Variants in DENND1A observed in about 807,000 individuals in gnomAD.
The protein encoded by DENND1A is DENN domain-containing protein 1A.
A neutral mutation model predicts 113.7 loss-of-function variants in DENND1A; 51 were observed. The ratio of observed to expected loss-of-function variants is 0.45; its 90% confidence interval spans 0.36 to 0.57. DENND1A has a LOEUF of 0.57. Ranked by LOEUF, DENND1A falls within the 20% of genes least tolerant of loss-of-function variation. DENND1A has a pLI of 0.00. For synonymous variants in DENND1A, 565 were observed against 570.8 expected, an observed-to-expected ratio of 0.99 and a Z score of 0.14; for missense variants, 1,258 against 1,395.9, an observed-to-expected ratio of 0.90 and a Z score of 1.57.
At chr9:123,791,691 C>T (rs1038415066) in intron 3 of DENND1A, among the ~76,000 whole-genome samples, 9 of 152,106 alleles carry the variant, frequency 5.9e-5, no homozygotes, top group African/African-American at 2.2e-4. Context: ...TGTACTTATC[C>T]TCATTCAAAG....
At chr9:123,703,051 G>A (rs1310191588) in intron 5 of DENND1A, among the ~76,000 whole-genome samples, 4 of 152,068 alleles carry the variant, frequency 2.6e-5, no homozygotes, top group Non-Finnish European at 4.4e-5. Flanking sequence ...GCGCGATCTC[G>A]GCTCACTGCA....
At chr9:123,523,752 G>A (rs528000601) in intron 13 of DENND1A, among the ~76,000 whole-genome samples, 1 of 152,308 alleles carries the variant, frequency 6.6e-6, no homozygotes, top group South Asian at 2.1e-4. Context: ...ATGATTCCAA[G>A]GTCAGGCTTT....
At chr9:123,920,092 T>C (rs1435158885) in intron 1 of DENND1A, among the ~76,000 whole-genome samples, 16 of 152,030 alleles carry the variant, frequency 1.1e-4, no homozygotes, top group Admixed American at 1.0e-3. Context: ...TTTTCCAAAA[T>C]AAAGTTTAAA....
At chr9:123,823,491 G>A (rs2132646714) in intron 2 of DENND1A, among the ~76,000 whole-genome samples, 1 of 152,286 alleles carries the variant, frequency 6.6e-6, no homozygotes, top group Admixed American at 6.5e-5. Context: ...GGAAGCTTGT[G>A]CCAAGTCACA....
chr9:123,836,415 T>C (rs1283009180), intron 2 of DENND1A, among the ~76,000 whole-genome samples: 1 of 152,128 alleles, frequency 6.6e-6, no homozygotes, highest in African/African-American at 2.4e-5. Context: ...TCACCAGACT[T>C]GGCTTAATAT....
intron 23 of DENND1A, among the ~76,000 whole-genome samples, chr9:123,383,030 G>A (rs1274819508): frequency 2.0e-5 from 3 of 152,242 alleles, no homozygotes; most frequent in Non-Finnish European, 4.4e-5. Context: ...AGGCCAAGTT[G>A]GAGTCCTGGC....
chr9:123,746,874 C>A, intron 5 of DENND1A, among the ~76,000 whole-genome samples: 1 of 151,910 alleles, frequency 6.6e-6, no homozygotes, highest in African/African-American at 2.4e-5. Flanking sequence ...TTTTCATATA[C>A]TAATAAAAAA....
intron 12 of DENND1A, among the ~76,000 whole-genome samples, chr9:123,561,103 C>A (rs987015626): frequency 6.6e-6 from 1 of 152,236 alleles, no homozygotes; most frequent in Non-Finnish European, 1.5e-5. Flanking sequence ...ATGGTGCAAG[C>A]CACTGTCGCT....
intron 13 of DENND1A, among the ~76,000 whole-genome samples, chr9:123,475,755 G>A (rs1236978362): frequency 1.3e-5 from 2 of 152,236 alleles, no homozygotes; most frequent in Non-Finnish European, 2.9e-5. Flanking sequence ...ACTAATGATT[G>A]TTTTAAGTAA....
chr9:123,464,288 T>C (rs912098545), intron 13 of DENND1A, among the ~76,000 whole-genome samples: 1 of 152,212 alleles, frequency 6.6e-6, no homozygotes, highest in Admixed American at 6.5e-5. Context: ...CAGAACATTA[T>C]GTTCATAGCA....
chr9:123,423,324 C>T (rs1025763496), intron 19 of DENND1A, among the ~76,000 whole-genome samples: 33 of 152,230 alleles, frequency 2.2e-4, no homozygotes, highest in Admixed American at 1.4e-3. Context: ...GGAAATCTCT[C>T]CCTCCCCCAG....
rs185284967 is a variant in DENND1A at position 123,758,469 on chromosome 9, G to A, written c.183-647C>T. 2.1e-3 allele frequency among the ~76,000 whole-genome samples: 325 copies of A among 152,268 alleles called. 1 individual carries two copies. The highest frequency in any genetic ancestry group is 0.02 in the Middle Eastern group (6 of 294). On this transcript the variant is annotated intron_variant, in intron 4 of 23. Transcript: ENST00000394215. ...AATACATCCTTAGTAACTGAATCACGTTCACACAGCTACAAAGAGGAGGAG... is the reference window on the plus strand; with the variant it reads ...AATACATCCTTAGTAACTGAATCACATTCACACAGCTACAAAGAGGAGGAG...
chr9:123,472,648 C>T lies in DENND1A; in HGVS notation c.994-14751G>A, dbSNP rs192591821. ...CATTCACTCAGGGCCCCTTGTCCCC[C>T]TCAGGCAGCCACTGAGTTGCTCCCA... On this transcript the variant is annotated intron_variant, in intron 13 of 23. Coordinates refer to ENST00000394215, the MANE Select transcript of DENND1A (RefSeq NM_001352964.2). Among the ~76,000 whole-genome samples the T allele has an allele frequency of 3.3e-3, 500 of 152,316 alleles. 1 individual carries two copies. The highest frequency in any genetic ancestry group is 0.011 in the African/African-American group (468 of 41,566).
intron 13 of DENND1A, among the ~76,000 whole-genome samples, chr9:123,503,836 G>A (rs1303755929): frequency 6.6e-6 from 1 of 152,194 alleles, no homozygotes; most frequent in Non-Finnish European, 1.5e-5. Flanking sequence ...TGGTCAATGA[G>A]TCTGAGACAC....
At chr9:123,482,793 G>A (rs1049431479) in intron 13 of DENND1A, among the ~76,000 whole-genome samples, 2 of 152,236 alleles carry the variant, frequency 1.3e-5, no homozygotes, top group Non-Finnish European at 2.9e-5. Context: ...TGTGTGCTCA[G>A]AGGGGAAGGT....
chr9:123,840,105 A>C (rs1392149931), intron 2 of DENND1A, among the ~76,000 whole-genome samples: 2 of 150,304 alleles, frequency 1.3e-5, no homozygotes, highest in Non-Finnish European at 3.0e-5. Context: ...TTTTTCAAGA[A>C]TTCTGGATCA....
intron 5 of DENND1A, among the ~76,000 whole-genome samples, chr9:123,733,942 A>G (rs540285498): frequency 1.3e-5 from 2 of 152,232 alleles, no homozygotes; most frequent in East Asian, 3.9e-4. Flanking sequence ...CTGGTATTAC[A>G]GGCATGAGCC....
At chr9:123,765,042 C>T (rs750714488) in intron 4 of DENND1A, among the ~76,000 whole-genome samples, 5 of 152,162 alleles carry the variant, frequency 3.3e-5, no homozygotes, top group Non-Finnish European at 5.9e-5. Context: ...GAGGAGAGGT[C>T]TGGGAAGATA....
intron 5 of DENND1A, among the ~76,000 whole-genome samples, chr9:123,747,526 C>T (rs1156851243): frequency 2.0e-5 from 3 of 152,062 alleles, no homozygotes; most frequent in African/African-American, 4.8e-5. Context: ...CTTGGTTTTG[C>T]ATAAGATCAC....
Sources: gnomAD v4.1 joint callset for allele counts (sites outside exome capture counted in the v4.1 genomes callset) on GRCh38, gnomAD v4.1.1 for gene constraint, MANE v1.5 for transcripts, NCBI Gene and HGNC (gene_info 2026-07-23, HGNC 2026-07-21) for gene names.